DSCAM: variants seen among roughly 807,000 people sequenced by gnomAD.
The protein encoded by DSCAM is DS cell adhesion molecule.
In DSCAM, 47 loss-of-function variants were observed where a neutral mutation model predicts 217.7. The ratio of observed to expected loss-of-function variants is 0.22; its 90% CI spans 0.17 to 0.28. The LOEUF is 0.28. DSCAM is among the 10% of genes least tolerant of loss of function. DSCAM has a pLI of 1.00. For synonymous variants in DSCAM, 1,056 were observed against 1,015.3 expected, an observed-to-expected ratio of 1.04 and a Z score of -0.76; for missense variants, 2,080 against 2,618.3, an observed-to-expected ratio of 0.79 and a Z score of 4.49.
chr21:40,727,221 C>T (rs951059656), intron 1 of DSCAM, among the ~76,000 whole-genome samples: 3 of 152,134 alleles, frequency 2.0e-5, no homozygotes, highest in South Asian at 4.1e-4. Context: ...GTCTCAAACA[C>T]GCAAGACTTT....
Position 40,819,970 on chromosome 21 carries a change from G to A in DSCAM, c.43+26649C>T, listed in dbSNP as rs544085616. On this transcript the variant is annotated intron_variant, in intron 1 of 32. Transcript: ENST00000400454. ...CATCATCAGGAATGGGATAAGGCAG[G>A]AAGTTGACAATTTATGGAGAAAAAT... Among the ~76,000 whole-genome samples the A allele has an allele frequency of 1.1e-4, 17 of 152,238 alleles. No homozygotes were observed. The South Asian group carries it at 3.5e-3, about 32-fold the overall frequency.
chr21:40,590,312 G>A (rs1233583326), intron 3 of DSCAM, among the ~76,000 whole-genome samples: 1 of 152,214 alleles, frequency 6.6e-6, no homozygotes, highest in Non-Finnish European at 1.5e-5. Context: ...TCTATCATTA[G>A]GTCCACTTTC....
At chr21:40,126,850 A>G (rs1325994505) in intron 19 of DSCAM, among the ~76,000 whole-genome samples, 1 of 152,218 alleles carries the variant, frequency 6.6e-6, no homozygotes, top group East Asian at 1.9e-4. Context: ...ACTTTGTACA[A>G]TAAAATAACA....
Position 40,124,243 on chromosome 21 carries a change from G to T in DSCAM, c.3648C>A (p.Asn1216Lys). The T allele has an allele frequency of 6.2e-7, 1 of 1,614,002 alleles. No homozygotes were observed. ...FVSWLPPLKL[N>K]GIIRKYTVFC... is the part of the protein sequence containing the mutation. ...ATACAGTGTACTTTCGGATGATGCC[G>T]TTCAGCTTGAGAGGGGGAAGCCAGG... Residue 1216 changes from asparagine (N) to lysine (K), a missense_variant, in exon 20 of 33, where the codon AAC (asparagine) becomes AAA (lysine). By Grantham distance (94) the Asn-to-Lys change is moderately conservative. Around this residue, in one of 5 missense-constraint regions of DSCAM, gnomAD observed 1,144 missense variants for 1,421.1 expected, o/e 0.81. Coordinates refer to ENST00000400454, the MANE Select transcript of DSCAM (RefSeq NM_001389.5).
chr21:40,216,331 C>T (rs1487049360), intron 11 of DSCAM, among the ~76,000 whole-genome samples: 1 of 151,598 alleles, frequency 6.6e-6, no homozygotes. Context: ...CCAGGCTGGT[C>T]TTTAACTTAT....
chr21:40,173,059 C>T (rs1432071129), intron 15 of DSCAM, among the ~76,000 whole-genome samples: 1 of 152,128 alleles, frequency 6.6e-6, no homozygotes, highest in African/African-American at 2.4e-5. Flanking sequence ...ATTAGCACAT[C>T]CTATGTGCTA....
chr21:40,620,385 AGAGAAAGAAAGAAAGAAAGGAG>A (rs1568942756), intron 3 of DSCAM, among the ~76,000 whole-genome samples: 3 of 95,644 alleles, frequency 3.1e-5, no homozygotes, highest in Non-Finnish European at 7.8e-5. Flanking sequence ...AAAGAAAGAA[AGAGAAAGAAAGAAAGAAAGGAG>A]GGAGGGAGGG....
At chr21:40,049,080 T>G (rs2088888172) in intron 30 of DSCAM, among the ~76,000 whole-genome samples, 1 of 152,130 alleles carries the variant, frequency 6.6e-6, no homozygotes. Context: ...ATGCATGCAT[T>G]TGAGTAGATT....
intron 1 of DSCAM, among the ~76,000 whole-genome samples, chr21:40,846,080 G>C (rs183229630): frequency 5.3e-4 from 80 of 152,048 alleles, no homozygotes; most frequent in Non-Finnish European, 3.5e-4. Context: ...ACTGTGAGGA[G>C]CATGAAGCAG....
chr21:40,782,493 C>T lies in DSCAM; in HGVS notation c.43+64126G>A, dbSNP rs761359660. ...CTGAAATCCCAGCATGTTGGGAGGCCGAGGCGGGAGGATCGCTTGAGCCCA... is the reference window on the plus strand; with the variant it reads ...CTGAAATCCCAGCATGTTGGGAGGCTGAGGCGGGAGGATCGCTTGAGCCCA... On this transcript the variant is annotated intron_variant, in intron 1 of 32. Coordinates refer to ENST00000400454, the MANE Select transcript of DSCAM (RefSeq NM_001389.5). Among the ~76,000 whole-genome samples, 6 of 152,084 alleles carry T rather than the reference C, an allele frequency of 3.9e-5. 1 individual carries two copies. The highest frequency in any genetic ancestry group is 7.3e-5 in the Non-Finnish European group (5 of 68,028).
intron 8 of DSCAM, among the ~76,000 whole-genome samples, chr21:40,312,844 G>T (rs1291994517): frequency 6.6e-6 from 1 of 152,178 alleles, no homozygotes; most frequent in Non-Finnish European, 1.5e-5. Flanking sequence ...TGGATGTGGT[G>T]GCTCACACCT....
At chr21:40,347,491 G>T (rs1007823933) in intron 6 of DSCAM, among the ~76,000 whole-genome samples, 179 bp downstream of exon 6, 1 of 152,000 alleles carries the variant, frequency 6.6e-6, no homozygotes, top group Non-Finnish European at 1.5e-5. Flanking sequence ...TTTTATTTTC[G>T]TCAGAACTTT....
chr21:40,176,609 C>T (rs1314509931), intron 15 of DSCAM, among the ~76,000 whole-genome samples: 1 of 152,090 alleles, frequency 6.6e-6, no homozygotes, highest in Non-Finnish European at 1.5e-5. Flanking sequence ...TTCAGTCATG[C>T]AAACCTATGA....
At chr21:40,813,781 G>A (rs1298099367) in intron 1 of DSCAM, among the ~76,000 whole-genome samples, 1 of 151,410 alleles carries the variant, frequency 6.6e-6, no homozygotes, top group East Asian at 1.9e-4. Flanking sequence ...CGAGTAGCTG[G>A]GATTACAGGT....
intron 1 of DSCAM, among the ~76,000 whole-genome samples, chr21:40,771,636 G>A (rs188704572): frequency 1.2e-3 from 183 of 152,280 alleles, no homozygotes; most frequent in African/African-American, 4.3e-3. Context: ...CATCTTAACT[G>A]CATCTCTAAG....
intron 28 of DSCAM, among the ~76,000 whole-genome samples, chr21:40,056,855 A>G (rs2089032805): frequency 1.3e-5 from 2 of 152,178 alleles, no homozygotes; most frequent in South Asian, 4.1e-4. Flanking sequence ...CCAAAATAGG[A>G]ATACTCAATG....
intron 3 of DSCAM, among the ~76,000 whole-genome samples, chr21:40,451,209 G>A (rs2075716384): frequency 6.6e-6 from 1 of 152,120 alleles, no homozygotes; most frequent in Non-Finnish European, 1.5e-5. Context: ...ACTCCAAAGG[G>A]CCACAATGTA....
intron 11 of DSCAM, among the ~76,000 whole-genome samples, chr21:40,267,121 A>G (rs1311788628): frequency 6.6e-6 from 1 of 151,970 alleles, no homozygotes; most frequent in Non-Finnish European, 1.5e-5. Flanking sequence ...CCTAGACTTT[A>G]TCACTAAACA....
intron 11 of DSCAM, among the ~76,000 whole-genome samples, chr21:40,239,328 T>C (rs1421270495): frequency 6.6e-6 from 1 of 152,066 alleles, no homozygotes; most frequent in Non-Finnish European, 1.5e-5. Flanking sequence ...GAAAAGGAAA[T>C]AATAACCTAT....
Sources: gnomAD v4.1 joint callset for allele counts (sites outside exome capture counted in the v4.1 genomes callset) on GRCh38, gnomAD v4.1.1 for gene constraint, gnomAD v4.1.1 regional missense constraint, MANE v1.5 for transcripts, NCBI Gene and HGNC (gene_info 2026-07-23, HGNC 2026-07-21) for gene names.